The following FYN variants were observed in gnomAD, a reference collection of about 807,000 sequenced individuals.
FYN encodes FYN proto-oncogene, Src family tyrosine kinase, also known as tyrosine-protein kinase Fyn.
In FYN, 10 loss-of-function variants were observed where a neutral mutation model predicts 70.2. The observed-to-expected ratio is 0.14, with a 90% CI of 0.09 to 0.24. FYN has a LOEUF of 0.24. FYN is among the 10% of genes least tolerant of loss of function. The pLI is 1.00. For synonymous variants in FYN, 236 were observed against 248.6 expected, an observed-to-expected ratio of 0.95 and a Z score of 0.48; for missense variants, 319 against 673.1, an observed-to-expected ratio of 0.47 and a Z score of 5.82.
intron 13 of FYN, among the ~76,000 whole-genome samples, chr6:111,672,335 C>CA (rs1292570046): frequency 2.0e-5 from 3 of 152,258 alleles, no homozygotes; most frequent in African/African-American, 7.2e-5. Flanking sequence ...AGGCAGTTAT[C>CA]ACAGCCCACT....
At chr6:111,816,646 T>C (rs1005770152) in intron 2 of FYN, among the ~76,000 whole-genome samples, 1 of 152,210 alleles carries the variant, frequency 6.6e-6, no homozygotes, top group African/African-American at 2.4e-5. Flanking sequence ...GTATCAAGTT[T>C]GCAAAGATGA....
intron 3 of FYN, among the ~76,000 whole-genome samples, chr6:111,756,557 A>C (rs1370649364): frequency 6.6e-6 from 1 of 152,200 alleles, no homozygotes; most frequent in Non-Finnish European, 1.5e-5. Flanking sequence ...ATATAAATAC[A>C]AATGTAAAAA....
intron 2 of FYN, among the ~76,000 whole-genome samples, chr6:111,790,097 G>A (rs879683498): frequency 1.4e-4 from 21 of 151,944 alleles, no homozygotes; most frequent in Non-Finnish European, 2.2e-4. Context: ...AGAACTGTGT[G>A]TGTGTGTGTG....
chr6:111,748,908 G>C (rs892292682), intron 3 of FYN, among the ~76,000 whole-genome samples: 2 of 152,138 alleles, frequency 1.3e-5, no homozygotes. Context: ...CTATGGGAAA[G>C]GACCGGTATA....
intron 3 of FYN, among the ~76,000 whole-genome samples, chr6:111,720,704 A>T (rs946641494): frequency 6.6e-6 from 1 of 152,240 alleles, no homozygotes; most frequent in Non-Finnish European, 1.5e-5. Context: ...GCAGGATGTC[A>T]TGATAGTCTA....
At chr6:111,840,441 GA>G (rs1398989893) in intron 2 of FYN, among the ~76,000 whole-genome samples, 2 of 152,176 alleles carry the variant, frequency 1.3e-5, no homozygotes, top group Non-Finnish European at 2.9e-5. Flanking sequence ...CTAGAAGCTG[GA>G]AAGACAGGAA....
chr6:111,726,782 C>T (rs749018767), intron 3 of FYN, among the ~76,000 whole-genome samples: 1 of 152,196 alleles, frequency 6.6e-6, no homozygotes, highest in Non-Finnish European at 1.5e-5. Flanking sequence ...GTGTCAAGGG[C>T]AGGACCAGGT....
chr6:111,747,386 G>C (rs1265442428), intron 3 of FYN, among the ~76,000 whole-genome samples: 1 of 152,210 alleles, frequency 6.6e-6, no homozygotes. Context: ...AAGTCTCACA[G>C]TGTAAAAACT....
In FYN at chr6:111,716,666, T is replaced by G. The variant is rs1379625605; in HGVS notation, c.248-2223A>C. Among the ~76,000 whole-genome samples, 3 of 151,680 alleles carry G rather than the reference T, an allele frequency of 2.0e-5. No individual in the cohort carries two copies. The East Asian group carries it at 5.8e-4, about 29-fold the overall frequency. The stretch of plus-strand genomic sequence containing the variant: ...AACCTCTGTATATTAAAAAAAAAAT[T>G]AGTTAAACATCATATAGTAGATAGC... On this transcript the variant is annotated intron_variant, in intron 4 of 13. Coordinates refer to ENST00000354650, the MANE Select transcript of FYN (RefSeq NM_002037.5).
At chr6:111,673,268 G>A (rs752947971) in intron 13 of FYN, among the ~76,000 whole-genome samples, 2 of 152,178 alleles carry the variant, frequency 1.3e-5, no homozygotes, top group African/African-American at 4.8e-5. Flanking sequence ...GTGTCTGCCC[G>A]TGTGTGCATG....
chr6:111,671,475 A>T (rs1798265569), intron 13 of FYN, among the ~76,000 whole-genome samples: 1 of 152,222 alleles, frequency 6.6e-6, no homozygotes. Flanking sequence ...CTTATGTGTC[A>T]AGGAAACAGC....
chr6:111,678,106 A>ATGTGTGTGTGTGTGTGTGTGTG (rs201367268), intron 12 of FYN, among the ~76,000 whole-genome samples: 3 of 118,548 alleles, frequency 2.5e-5, no homozygotes, highest in African/African-American at 1.3e-4. Context: ...GAAGGCCATA[A>ATGTGTGTGTGTGTGTGTGTGTG]TATGTGTGTG....
chr6:111,833,544 C>T (rs1306166966), intron 2 of FYN, among the ~76,000 whole-genome samples: 2 of 152,134 alleles, frequency 1.3e-5, no homozygotes, highest in African/African-American at 2.4e-5. Context: ...TTTCCATACC[C>T]GTAGATACCA....
chr6:111,710,186 G>A (rs1236215394), intron 5 of FYN, among the ~76,000 whole-genome samples: 3 of 152,084 alleles, frequency 2.0e-5, no homozygotes, highest in Non-Finnish European at 2.9e-5. Context: ...TGTAGCAGAG[G>A]CTTATTGTTT....
chr6:111,868,375 C>T (rs938351727), intron 1 of FYN, among the ~76,000 whole-genome samples: 6 of 152,142 alleles, frequency 3.9e-5, no homozygotes, highest in Non-Finnish European at 8.8e-5. Flanking sequence ...TAAACTTATA[C>T]AGACCTAATT....
intron 2 of FYN, among the ~76,000 whole-genome samples, chr6:111,790,111 C>CCAAATGTGTAA (rs1403828456): frequency 6.8e-6 from 1 of 147,062 alleles, no homozygotes; most frequent in African/African-American, 2.6e-5. Context: ...GTGTGTGTGT[C>CCAAATGTGTAA]CATGCCAAAT....
chr6:111,792,444 T>A (rs1195438945), intron 2 of FYN, among the ~76,000 whole-genome samples: 1 of 152,154 alleles, frequency 6.6e-6, no homozygotes, highest in Non-Finnish European at 1.5e-5. Flanking sequence ...CATCCTGTGA[T>A]CCCAGATCCT....
At chr6:111,828,105 G>T (rs1772897329) in intron 2 of FYN, among the ~76,000 whole-genome samples, 1 of 152,142 alleles carries the variant, frequency 6.6e-6, no homozygotes, top group South Asian at 2.1e-4. Context: ...CTCTTCTGCA[G>T]CTCCTGGGAC....
intron 6 of FYN, among the ~76,000 whole-genome samples, chr6:111,704,370 G>A (rs968478102): frequency 6.6e-6 from 1 of 152,148 alleles, no homozygotes; most frequent in African/African-American, 2.4e-5. Context: ...GAACTGGTTT[G>A]TGTTAAAACT....
Sources: allele counts gnomAD v4.1 joint callset (sites outside exome capture counted in the v4.1 genomes callset), GRCh38; gene constraint gnomAD v4.1.1; transcripts MANE v1.5; gene names NCBI Gene and HGNC (gene_info 2026-07-23, HGNC 2026-07-21).